Variants in CDH18 observed in about 807,000 individuals in gnomAD.
CDH18 encodes cadherin-18.
Under a neutral mutation model 67.9 loss-of-function variants are expected in CDH18, and 31 were observed. The ratio of observed to expected loss-of-function variants is 0.46; its 90% CI spans 0.34 to 0.62. CDH18 has a LOEUF of 0.62. CDH18 is among the 20% of genes least tolerant of loss of function. The pLI is 0.01. For synonymous variants in CDH18, 362 were observed against 347.2 expected (o/e 1.04, Z -0.48); for missense variants, 890 against 975.5 (o/e 0.91, Z 1.17).
intron 2 of CDH18, among the ~76,000 whole-genome samples, chr5:20,045,146 A>G (rs1021459104): frequency 6.6e-6 from 1 of 152,144 alleles, no homozygotes; most frequent in African/African-American, 2.4e-5. Context: ...ACCTGTTTAG[A>G]AGCTGGTCAA....
chr5:19,897,431 A>T (rs538767301), intron 2 of CDH18, among the ~76,000 whole-genome samples: 1 of 152,294 alleles, frequency 6.6e-6, no homozygotes, highest in Admixed American at 6.5e-5. Flanking sequence ...AATACTATAC[A>T]TTAGTCAGGT....
intron 10 of CDH18, among the ~76,000 whole-genome samples, chr5:19,506,656 A>G (rs974050952): frequency 1.3e-5 from 2 of 152,242 alleles, no homozygotes; most frequent in African/African-American, 4.8e-5. Context: ...AAATGGGGAA[A>G]GGAATCCCTG....
intron 2 of CDH18, among the ~76,000 whole-genome samples, chr5:19,881,732 T>C (rs762526313): frequency 4.6e-5 from 7 of 151,936 alleles, no homozygotes; most frequent in Non-Finnish European, 7.4e-5. Flanking sequence ...TCTCGTACTC[T>C]TGACCTCAGG....
intron 2 of CDH18, among the ~76,000 whole-genome samples, chr5:20,090,739 A>AG (rs1745344038): frequency 6.6e-6 from 1 of 152,064 alleles, no homozygotes; most frequent in Non-Finnish European, 1.5e-5. Context: ...AGAAAAAAAA[A>AG]GAAATACTGG....
chr5:19,480,086 A>G (rs964967000), intron 12 of CDH18, among the ~76,000 whole-genome samples: 2 of 152,050 alleles, frequency 1.3e-5, no homozygotes, highest in Non-Finnish European at 2.9e-5. Flanking sequence ...ATGATAAACA[A>G]GCTCAAAATT....
At chr5:20,397,363 C>T (rs937907996) in intron 1 of CDH18, among the ~76,000 whole-genome samples, 6 of 152,060 alleles carry the variant, frequency 3.9e-5, no homozygotes, top group African/African-American at 1.4e-4. Context: ...AACTCCTGGC[C>T]TCAAGTGATC....
chr5:20,020,657 G>A (rs557957995), intron 2 of CDH18, among the ~76,000 whole-genome samples: 21 of 152,256 alleles, frequency 1.4e-4, no homozygotes, highest in African/African-American at 4.6e-4. Flanking sequence ...TGGGTGTGCC[G>A]GGGCCAAGGG....
intron 2 of CDH18, among the ~76,000 whole-genome samples, chr5:20,127,393 C>T (rs943451327): frequency 3.3e-5 from 5 of 151,984 alleles, no homozygotes; most frequent in South Asian, 2.1e-4. Context: ...TTTACAGTAA[C>T]GTGAGAATGG....
At chr5:19,807,774 G>GGAA (rs1258216859) in intron 3 of CDH18, among the ~76,000 whole-genome samples, 4 of 152,090 alleles carry the variant, frequency 2.6e-5, no homozygotes, top group African/African-American at 9.7e-5. Flanking sequence ...TCCCCAGAGA[G>GGAA]TTCTTCCCTC....
chr5:19,993,874 C>G (rs549099514), intron 2 of CDH18, among the ~76,000 whole-genome samples: 1 of 151,908 alleles, frequency 6.6e-6, no homozygotes, highest in East Asian at 1.9e-4. Flanking sequence ...CATATATTTA[C>G]GTAAATTTTC....
At chr5:19,921,052 T>A (rs1468723208) in intron 2 of CDH18, among the ~76,000 whole-genome samples, 1 of 151,866 alleles carries the variant, frequency 6.6e-6, no homozygotes, top group Non-Finnish European at 1.5e-5. Flanking sequence ...GATTACTACC[T>A]CAACCATGAT....
At chr5:19,683,417 C>G (rs1357398420) in intron 5 of CDH18, among the ~76,000 whole-genome samples, 1 of 151,930 alleles carries the variant, frequency 6.6e-6, no homozygotes, top group Non-Finnish European at 1.5e-5. Flanking sequence ...ATCCTGATAA[C>G]TGTTTAAATT....
At chr5:19,966,415 G>T (rs74845130) in intron 2 of CDH18, among the ~76,000 whole-genome samples, 1 of 152,004 alleles carries the variant, frequency 6.6e-6, no homozygotes, top group East Asian at 1.9e-4. Flanking sequence ...AAAGAGAAAG[G>T]TTTATCACAT....
chr5:19,688,434 T>C (rs1322164495), intron 5 of CDH18, among the ~76,000 whole-genome samples: 1 of 152,148 alleles, frequency 6.6e-6, no homozygotes, highest in African/African-American at 2.4e-5. Flanking sequence ...TCATTGCTGT[T>C]CTTTACAGCT....
intron 2 of CDH18, among the ~76,000 whole-genome samples, chr5:19,939,797 T>C (rs1201281218): frequency 6.6e-6 from 1 of 151,850 alleles, no homozygotes; most frequent in African/African-American, 2.4e-5. Context: ...TCAATAATAG[T>C]TCATAATACC....
chr5:20,290,716 G>A (rs1747041758), intron 1 of CDH18, among the ~76,000 whole-genome samples: 1 of 152,172 alleles, frequency 6.6e-6, no homozygotes, highest in South Asian at 2.1e-4. Context: ...AGCCATGACA[G>A]CATGAGGAAG....
rs1278728618 is a variant in CDH18, at chr5:19,472,467, T to C, written c.*759A>G. 6.6e-6 allele frequency among the ~76,000 whole-genome samples: 1 copy of C among 152,160 alleles called. No individual in the cohort carries two copies. On this transcript the variant is annotated 3_prime_UTR_variant, in exon 13 of 13. Transcript: ENST00000382275. ...ACATATCAGATTTTCATAACATACC[T>C]TAAACTATTCTTTCTGTCCATTTAA...
intron 1 of CDH18, among the ~76,000 whole-genome samples, chr5:20,572,999 G>A (rs1463249394): frequency 6.6e-6 from 1 of 152,084 alleles, no homozygotes; most frequent in Non-Finnish European, 1.5e-5. Flanking sequence ...CACTGATCTG[G>A]AATGCAGGAG....
chr5:19,492,912 A>G (rs1741703098), intron 11 of CDH18, among the ~76,000 whole-genome samples: 2 of 152,132 alleles, frequency 1.3e-5, no homozygotes, highest in Non-Finnish European at 2.9e-5. Flanking sequence ...AGTATCTTAT[A>G]CTGGAGTACA....
Sources: allele counts gnomAD v4.1 joint callset (sites outside exome capture counted in the v4.1 genomes callset), GRCh38; gene constraint gnomAD v4.1.1; transcripts MANE v1.5; gene names NCBI Gene and HGNC (gene_info 2026-07-23, HGNC 2026-07-21).